DYNC1I1: variants seen among roughly 807,000 people sequenced by gnomAD.
DYNC1I1 encodes the protein dynein cytoplasmic 1 intermediate chain 1.
A neutral mutation model predicts 86.6 loss-of-function variants in DYNC1I1; 43 were observed. That is an observed-to-expected ratio of 0.50 (90% CI 0.39 to 0.64). DYNC1I1 has a LOEUF of 0.64. Among genes scored for constraint, DYNC1I1 ranks in the 30% least tolerant of loss-of-function variants. DYNC1I1 has a pLI of 0.00. For missense variants in DYNC1I1, 604 were observed against 788.8 expected (o/e 0.77, Z 2.81); for synonymous variants, 262 against 283.7 (o/e 0.92, Z 0.77).
intron 5 of DYNC1I1, among the ~76,000 whole-genome samples, chr7:95,861,687 G>C (rs1192329325): frequency 1.3e-5 from 2 of 151,934 alleles, no homozygotes; most frequent in Non-Finnish European, 2.9e-5. Context: ...ATTCATTGTT[G>C]TCAGAAATCA....
intron 6 of DYNC1I1, among the ~76,000 whole-genome samples, chr7:95,925,025 G>A (rs1224884560): frequency 6.6e-6 from 1 of 152,092 alleles, no homozygotes; most frequent in Non-Finnish European, 1.5e-5. Flanking sequence ...CCTAATCCTT[G>A]GTGACTTAAG....
intron 6 of DYNC1I1, among the ~76,000 whole-genome samples, chr7:95,939,419 T>C (rs1792138816): frequency 6.6e-6 from 1 of 152,130 alleles, no homozygotes; most frequent in Non-Finnish European, 1.5e-5. Context: ...CCATTATTAT[T>C]GTGTGGGAGT....
downstream of DYNC1I1, among the ~76,000 whole-genome samples, chr7:96,099,236 G>T (rs955279854): frequency 6.6e-6 from 1 of 152,198 alleles, no homozygotes; most frequent in Non-Finnish European, 1.5e-5. Context: ...GTCACTTACA[G>T]TAGGCACATA....
rs1413026343 is a variant in DYNC1I1, at chr7:95,867,661, G to A, written c.375-2222G>A. ...ATGCCCTGAAATCCCTGCCTGTAGA[G>A]GTAGCTACCACTTAACCAGAGCTGG... On this transcript the variant is annotated intron_variant, in intron 5 of 16. Transcript: ENST00000447467. Among the ~76,000 whole-genome samples the A allele has an allele frequency of 4.6e-5, 7 of 152,218 alleles. No homozygotes were observed. In the South Asian group the frequency reaches 1.0e-3, roughly 22 times the overall value.
chr7:95,958,941 C>G (rs1792790745), intron 6 of DYNC1I1, among the ~76,000 whole-genome samples: 1 of 152,058 alleles, frequency 6.6e-6, no homozygotes, highest in Admixed American at 6.6e-5. Context: ...ATTTGGCATA[C>G]AAATGACAAA....
At chr7:95,851,960 A>G (rs1789591174) in intron 5 of DYNC1I1, among the ~76,000 whole-genome samples, 1 of 152,138 alleles carries the variant, frequency 6.6e-6, no homozygotes, top group Admixed American at 6.5e-5. Context: ...CACCATGCCC[A>G]GCCAGTTTTC....
intron 14 of DYNC1I1, among the ~76,000 whole-genome samples, chr7:96,063,929 C>T (rs1473727564): frequency 6.6e-6 from 1 of 152,166 alleles, no homozygotes; most frequent in East Asian, 1.9e-4. Flanking sequence ...AGGCTGAATC[C>T]CAGAGGCAAC....
intron 6 of DYNC1I1, among the ~76,000 whole-genome samples, chr7:95,934,281 A>G (rs1791981286): frequency 6.6e-6 from 1 of 152,154 alleles, no homozygotes; most frequent in Non-Finnish European, 1.5e-5. Context: ...ATACCGGTAC[A>G]CTATTAGGTA....
intron 14 of DYNC1I1, among the ~76,000 whole-genome samples, chr7:96,065,582 T>A (rs1428756874): frequency 6.6e-6 from 1 of 152,092 alleles, no homozygotes; most frequent in Non-Finnish European, 1.5e-5. Context: ...CAGACAGGGT[T>A]TCGCCATGTT....
chr7:96,066,505 C>T (rs932783483), intron 14 of DYNC1I1, among the ~76,000 whole-genome samples: 3 of 152,198 alleles, frequency 2.0e-5, no homozygotes, highest in Non-Finnish European at 4.4e-5. Context: ...CAGAGTTTTT[C>T]CCAGAATTGT....
chr7:95,817,216 A>T (rs922762397), intron 4 of DYNC1I1, among the ~76,000 whole-genome samples: 1 of 113,280 alleles, frequency 8.8e-6, no homozygotes, highest in Admixed American at 8.7e-5. Context: ...TCCAAGATTA[A>T]AAAAAAAAAA....
chr7:95,905,977 G>C (rs1562939803), intron 6 of DYNC1I1, among the ~76,000 whole-genome samples: 1 of 152,072 alleles, frequency 6.6e-6, no homozygotes, highest in Non-Finnish European at 1.5e-5. Flanking sequence ...GCTTCTTGGG[G>C]ACATGCTTCT....
rs750834189 is a variant in DYNC1I1, at chr7:95,936,956, T to TCTCTCACACACACACACA, written c.491-40555_491-40554insTCTCACACACACACACAC. ...CAAAGGAATGGATAAAGAATATGTCTCACACACACACACACACACACACAC... is the reference window on the plus strand; with the variant it reads ...CAAAGGAATGGATAAAGAATATGTCTCTCTCACACACACACACACACACACACACACACACACACACAC... On this transcript the variant is annotated intron_variant, in intron 6 of 16. Coordinates refer to ENST00000447467, the MANE Select transcript of DYNC1I1 (RefSeq NM_001135556.2). Among the ~76,000 whole-genome samples, 1,070 of 134,272 alleles carry TCTCTCACACACACACACA rather than the reference T, an allele frequency of 8.0e-3. 5 individuals are homozygous for TCTCTCACACACACACACA. Among genetic ancestry groups the TCTCTCACACACACACACA allele is most frequent in the Non-Finnish European group, 0.012 (762 of 62,614 alleles). The allele number at this position is 134,272 out of a possible 152,430, so 88.1% of individuals were successfully genotyped here. A position where few individuals can be genotyped will look rare whatever the true frequency, so the allele number is the denominator to read the frequency against.
chr7:95,968,598 T>C (rs1793078510), intron 6 of DYNC1I1, among the ~76,000 whole-genome samples: 1 of 152,204 alleles, frequency 6.6e-6, no homozygotes, highest in Non-Finnish European at 1.5e-5. Context: ...GACATCTCTA[T>C]CTCTGTGACT....
chr7:95,913,156 G>T (rs1490148095), intron 6 of DYNC1I1, among the ~76,000 whole-genome samples: 2 of 152,094 alleles, frequency 1.3e-5, no homozygotes, highest in Non-Finnish European at 2.9e-5. Context: ...CTAGTTCATG[G>T]TTCTATCCTG....
chr7:95,804,931 A>G, intron 2 of DYNC1I1, 94 bp downstream of exon 2: 1 of 1,451,338 alleles, frequency 6.9e-7, no homozygotes, highest in Non-Finnish European at 9.1e-7. Context: ...TCCCTAAAAG[A>G]ATCCTTTTAT....
At chr7:95,991,953 T>C (rs1247509152) in intron 9 of DYNC1I1, among the ~76,000 whole-genome samples, 1 of 152,142 alleles carries the variant, frequency 6.6e-6, no homozygotes, top group African/African-American at 2.4e-5. Context: ...CTCTGCCTTC[T>C]GGGTTCAAGC....
chr7:95,941,743 A>C (rs1316319658), intron 6 of DYNC1I1, among the ~76,000 whole-genome samples: 2 of 152,306 alleles, frequency 1.3e-5, no homozygotes, highest in East Asian at 1.9e-4. Flanking sequence ...CTTCCTGACC[A>C]CTTGCGCTTC....
intron 5 of DYNC1I1, among the ~76,000 whole-genome samples, chr7:95,845,727 G>T (rs144254742): frequency 1.4e-4 from 21 of 152,236 alleles, no homozygotes; most frequent in African/African-American, 5.1e-4. Flanking sequence ...TATAAATATA[G>T]ATTTATATTC....
Sources: gnomAD v4.1 joint callset for allele counts (sites outside exome capture counted in the v4.1 genomes callset) on GRCh38, gnomAD v4.1.1 for gene constraint, MANE v1.5 for transcripts, NCBI Gene and HGNC (gene_info 2026-07-23, HGNC 2026-07-21) for gene names.